The following TYK2 variants were observed in gnomAD, a reference collection of about 807,000 sequenced individuals.
TYK2 encodes the protein non-receptor tyrosine-protein kinase TYK2.
In TYK2, 65 loss-of-function variants were observed where a neutral mutation model predicts 130.9. That is an observed-to-expected ratio of 0.50 (90% CI 0.41 to 0.61). TYK2 has a LOEUF of 0.61. TYK2 is among the 20% of genes least tolerant of loss of function. The probability of loss-of-function intolerance (pLI) is 0.00; values close to 1 mark genes in which losing one functional copy is unlikely to be tolerated. For missense variants in TYK2, 1,378 were observed against 1,610.7 expected, an observed-to-expected ratio of 0.86 and a Z score of 2.47; for synonymous variants, 647 against 658.9, an observed-to-expected ratio of 0.98 and a Z score of 0.28.
Position 10,350,951 on chromosome 19 carries a change from C to T in TYK2, c.3447G>A (p.Lys1149=). The T allele has an allele frequency of 6.2e-7, 1 of 1,614,208 alleles. No individual in the cohort carries two copies. Among genetic ancestry groups the T allele is most frequent in the Non-Finnish European group, 8.5e-7 (1 of 1,180,030 alleles). ...KCPCEVYHLM[K]NCWETEASFR... ...AGGACGCCTCTGTCTCCCAGCAGTTCTTCATGAGATGATAGACCTAGAAGG... is the reference window on the plus strand; with the variant it reads ...AGGACGCCTCTGTCTCCCAGCAGTTTTTCATGAGATGATAGACCTAGAAGG... Residue 1149 remains lysine, a synonymous_variant, in exon 25 of 25, where the codon AAG becomes AAA. Coordinates refer to ENST00000525621, the MANE Select transcript of TYK2 (RefSeq NM_003331.5).
In TYK2 at chr19:10,372,294, G is replaced by GGGTTT. The variant is rs2041938667; in HGVS notation, c.194-3881_194-3877dup. Reference sequence around the variant, plus strand: ...AGGCGTGAGCCACGGCGCCCGGCCTGGGTTTTTTTTTTTTTTTGAAGCAGG... The same window carrying GGGTTT: ...AGGCGTGAGCCACGGCGCCCGGCCTGGGTTTGGTTTTTTTTTTTTTTTGAAGCAGG... On this transcript the variant is annotated intron_variant, in intron 3 of 24. Transcript: ENST00000525621. Among the ~76,000 whole-genome samples, 4 of 141,660 alleles carry GGGTTT rather than the reference G, an allele frequency of 2.8e-5. No homozygotes were observed. The South Asian group carries it at 8.9e-4, about 31-fold the overall frequency. The allele number at this position is 141,660 out of a possible 152,430, so 92.9% of individuals were successfully genotyped here. A position where few individuals can be genotyped will look rare whatever the true frequency, so the allele number is the denominator to read the frequency against.
intron 3 of TYK2, among the ~76,000 whole-genome samples, chr19:10,372,771 G>C (rs909230323): frequency 1.3e-5 from 2 of 151,862 alleles, no homozygotes; most frequent in African/African-American, 4.8e-5. Flanking sequence ...GATTGCAGGC[G>C]TGAGCCACTG....
chr19:10,368,247 C>A, intron 4 of TYK2, 45 bp from the exon 5 acceptor site: 1 of 1,614,146 alleles, frequency 6.2e-7, no homozygotes, highest in Non-Finnish European at 8.5e-7. Flanking sequence ...CAGAGTCAGA[C>A]CAGCTTCAGC....
rs894213118 is a variant in TYK2, at chr19:10,364,049, C to A, written c.1367+565G>T. Among the ~76,000 whole-genome samples, 12 of 152,224 alleles carry A rather than the reference C, an allele frequency of 7.9e-5. No homozygotes were observed. The highest frequency in any genetic ancestry group is 1.8e-4 in the Non-Finnish European group (12 of 68,042). On this transcript the variant is annotated intron_variant, in intron 9 of 24. Transcript: ENST00000525621. The surrounding 1 kb of genome is among the most constrained non-coding windows in gnomAD (Gnocchi z 4.9). ...CGACAACTTCACGCCCTCAGGCCCA[C>A]AAGTCACACACAGGACCCCGCTGAG...
At position 10,378,300 on chromosome 19, in the gene TYK2, C is replaced by G; in HGVS notation, c.107G>C (p.Gly36Ala). Residue 36 changes from glycine to alanine, a missense_variant, in exon 3 of 25, where the codon GGT becomes GCT. By Grantham distance (60) the Gly-to-Ala change is moderately conservative (BLOSUM62 0). Coordinates refer to ENST00000525621, the MANE Select transcript of TYK2 (RefSeq NM_003331.5). ...GGLKVLLHWA[G>A]PGGGEPWVTF... is the part of the protein sequence containing the mutation. ...GACCCAGGGCTCCCCGCCGCCTGGACCAGCCCAGTGCAGAAGCACCTTCAG... is the reference window on the plus strand; with the variant it reads ...GACCCAGGGCTCCCCGCCGCCTGGAGCAGCCCAGTGCAGAAGCACCTTCAG... The G allele has an allele frequency of 6.2e-7, 1 of 1,612,912 alleles. No homozygotes were observed. Among genetic ancestry groups the G allele is most frequent in the Non-Finnish European group, 8.5e-7 (1 of 1,179,982 alleles).
chr19:10,353,100 TG>T lies in TYK2; in HGVS notation c.3028-3del. The T allele has an allele frequency of 6.6e-7, 1 of 1,522,682 alleles. No homozygotes were observed. The allele number at this position is 1,522,682 out of a possible 1,614,324, so 94.3% of individuals were successfully genotyped here. A position where few individuals can be genotyped will look rare whatever the true frequency, so the allele number is the denominator to read the frequency against. On this transcript the variant is annotated splice_polypyrimidine_tract_variant and splice_region_variant and intron_variant, in intron 21 of 24. Transcript: ENST00000525621. The surrounding 1 kb of genome is among the most constrained non-coding windows in gnomAD (Gnocchi z 6.9). Reference sequence around the variant, plus strand: ...CTGCGCGTGCAGATAGGCCATGCCCTGGGGACGGGGCAGGGCTCGTGAGTTT... The same window carrying T: ...CTGCGCGTGCAGATAGGCCATGCCCTGGGACGGGGCAGGGCTCGTGAGTTT...
Position 10,357,927 on chromosome 19 carries a change from C to A in TYK2, c.2312-9G>T, listed in dbSNP as rs1442162761. 3 of 1,613,406 alleles carry A rather than the reference C, an allele frequency of 1.9e-6. No homozygotes were observed. The highest frequency in any genetic ancestry group is 3.3e-5 in the Admixed American group (2 of 59,992). ...GATCCTCTCCACCCGCTCTGGGAGG[C>A]CAAGGTCAGAGGTCACCAAGGGTGA... On this transcript the variant is annotated splice_polypyrimidine_tract_variant and intron_variant, in intron 16 of 24. Coordinates refer to ENST00000525621, the MANE Select transcript of TYK2 (RefSeq NM_003331.5).
intron 10 of TYK2, 30 bp downstream of exon 10, chr19:10,362,519 C>G: frequency 6.4e-7 from 1 of 1,556,374 alleles, no homozygotes. Context: ...CGTGTCCAGC[C>G]CCAGCCCCAG....
intron 3 of TYK2, 29 bp downstream of exon 3, chr19:10,378,185 T>C (rs2042241366): frequency 6.2e-7 from 1 of 1,609,768 alleles, no homozygotes; most frequent in Admixed American, 1.7e-5. Context: ...CCCACCCCAG[T>C]CCCCATGGTG....
chr19:10,363,286 C>A (rs2041500671), intron 9 of TYK2, among the ~76,000 whole-genome samples: 1 of 151,248 alleles, frequency 6.6e-6, no homozygotes, highest in Non-Finnish European at 1.5e-5. Flanking sequence ...ACCTCCCAGG[C>A]TCAAGAGATT....
chr19:10,357,766 C>T lies in TYK2; in HGVS notation c.2464G>A (p.Glu822Lys), dbSNP rs777406666. ...GCCCAAGGGTCTCCTAGACATACCT[C>T]GGAGGGACTGCGGCTCTGCAGAGGG... is the stretch of plus-strand genomic sequence containing the variant. ...EAPLQSRSPS[E>K]KEHFYQRQHR... The change falls in exon 17 of 25, where the codon GAG (glutamate) becomes AAG (lysine). Residue 822 changes from glutamate to lysine, a missense_variant and splice_region_variant. Coordinates refer to ENST00000525621, the MANE Select transcript of TYK2 (RefSeq NM_003331.5). 46 of 1,607,436 alleles carry T rather than the reference C, an allele frequency of 2.9e-5. No homozygotes were observed. The highest frequency in any genetic ancestry group is 2.2e-4 in the Admixed American group (13 of 59,082).
In TYK2 at chr19:10,353,032, C is replaced by A; in HGVS notation, c.3094G>T (p.Asp1032Tyr). Residue 1032 changes from aspartate to tyrosine, a missense_variant, in exon 22 of 25, where the codon GAC (aspartate) becomes TAC (tyrosine). Transcript: ENST00000525621. This position sits in a 1 kb window ranked among gnomAD's most constrained non-coding sequence, Gnocchi z 6.9. ...CCGATCTTGACCAGCCTGTCGTTGT[C>A]CAGCAGCACGTTGCGCGCGGCTAGG... is the stretch of plus-strand genomic sequence containing the variant. ...RDLAARNVLL[D>Y]NDRLVKIGDF... is the part of the protein sequence containing the mutation. 1 of 1,600,006 alleles carries A rather than the reference C, an allele frequency of 6.2e-7. No individual in the cohort carries two copies.
Position 10,364,507 on chromosome 19 carries a change from A to C in TYK2, c.1367+107T>G, listed in dbSNP as rs1374260427. 5.1e-6 allele frequency: 7 copies of C among 1,361,090 alleles called. No homozygotes were observed. The highest frequency in any genetic ancestry group is 1.5e-5 in the African/African-American group (1 of 68,672). The allele number at this position is 1,361,090 out of a possible 1,614,324, so 84.3% of individuals were successfully genotyped here. On this transcript the variant is annotated intron_variant, in intron 9 of 24. Transcript: ENST00000525621. This position sits in a 1 kb window ranked among gnomAD's most constrained non-coding sequence, Gnocchi z 4.9. ...CCAGTTTGGGCGACAAAAAATAAAA[A>C]AAAAATAAGACGTGCACCTACACAC... is the stretch of plus-strand genomic sequence containing the variant.
rs551747806 is a variant in TYK2, at chr19:10,356,627, G to C, written c.2558C>G (p.Pro853Arg). ...TLTSQCLTYEPTQRPSFRTIL... is the reference protein window; with the variant it reads ...TLTSQCLTYERTQRPSFRTIL... ...GGTGCGGAATGATGGCCTCTGGGTT[G>C]GCTCATAGGTCAGACACTGGCTGGT... The change falls in exon 18 of 25, where the codon CCA (proline) becomes CGA (arginine). Residue 853 changes from proline (P) to arginine (R), a missense_variant. Pro to Arg is a moderately radical substitution (Grantham distance 103, BLOSUM62 -2). Transcript: ENST00000525621. 186 of 1,613,746 alleles carry C rather than the reference G, an allele frequency of 1.2e-4. 1 individual carries two copies. In the South Asian group the frequency reaches 2.0e-3, roughly 17 times the overall value.
rs894841890 is a variant in TYK2 at position 10,353,673 on chromosome 19, G to T, written c.2909-27C>A. 8.9e-6 allele frequency: 13 copies of T among 1,457,466 alleles called. No homozygotes were observed. Among genetic ancestry groups the T allele is most frequent in the Admixed American group, 2.5e-5 (1 of 40,084 alleles). The allele number at this position is 1,457,466 out of a possible 1,614,324, so 90.3% of individuals were successfully genotyped here. A position where few individuals can be genotyped will look rare whatever the true frequency, so the allele number is the denominator to read the frequency against. On this transcript the variant is annotated intron_variant, in intron 20 of 24. Coordinates refer to ENST00000525621, the MANE Select transcript of TYK2 (RefSeq NM_003331.5). This position sits in a 1 kb window ranked among gnomAD's most constrained non-coding sequence, Gnocchi z 6.9. ...TGCCGCGGAGAGGGGCGGCCCCGGT[G>T]GGGGACGATAGAGGGCGGGCCGGGG...
chr19:10,376,535 T>C (rs2042126236), intron 3 of TYK2, among the ~76,000 whole-genome samples: 2 of 124,800 alleles, frequency 1.6e-5, no homozygotes, highest in South Asian at 5.5e-4. Context: ...CTTGAACTCC[T>C]GATCTCAGGT....
intron 9 of TYK2, among the ~76,000 whole-genome samples, chr19:10,363,943 CAAAG>C (rs2041529453): frequency 6.6e-6 from 1 of 152,190 alleles, no homozygotes. Flanking sequence ...AGTGACCAGA[CAAAG>C]AGACAGTCAC....
rs1413340935 is a variant in TYK2 at position 10,367,521 on chromosome 19, AGG to A, written c.465+532_465+533del. Among the ~76,000 whole-genome samples the A allele has an allele frequency of 2.6e-5, 4 of 152,112 alleles. No individual in the cohort carries two copies. In the East Asian group the frequency reaches 7.7e-4, roughly 29 times the overall value. On this transcript the variant is annotated intron_variant, in intron 5 of 24. Transcript: ENST00000525621. ...GCTTCTGTAATCTCAGTTACTTGGG[AGG>A]CTGAGGTGGAAGAATCGCTTCAACC...
At chr19:10,358,619 A>T (rs1249993238) in intron 15 of TYK2, among the ~76,000 whole-genome samples, 5 of 151,552 alleles carry the variant, frequency 3.3e-5, no homozygotes, top group Non-Finnish European at 5.9e-5. Flanking sequence ...ACATTGGCTA[A>T]TTTTTTTTGT....
Sources: gnomAD v4.1 joint callset for allele counts (sites outside exome capture counted in the v4.1 genomes callset) on GRCh38, gnomAD v4.1.1 for gene constraint, Gnocchi (gnomAD v3.1) non-coding constraint, MANE v1.5 for transcripts, NCBI Gene and HGNC (gene_info 2026-07-23, HGNC 2026-07-21) for gene names.